RNF168: variants seen among roughly 807,000 people sequenced by gnomAD.
The protein encoded by RNF168 is ring finger protein 168.
A neutral mutation model predicts 34.9 loss-of-function variants in RNF168; 34 were observed. The observed-to-expected ratio is 0.97, with a 90% CI of 0.74 to 1.30. The LOEUF is 1.30. Ranked by LOEUF, RNF168 falls within the 50% of genes most tolerant of loss-of-function variation. The pLI is 0.00. For missense variants in RNF168, 725 were observed against 682.5 expected (o/e 1.06, Z -0.69); for synonymous variants, 264 against 254.7 (o/e 1.04, Z -0.35).
At chr3:196,492,346 T>G (rs76054169) in intron 1 of RNF168, among the ~76,000 whole-genome samples, 13 of 151,560 alleles carry the variant, frequency 8.6e-5, no homozygotes, top group Non-Finnish European at 1.6e-4. Flanking sequence ...TCAAAAAAAT[T>G]TTTTTTAAGT....
At chr3:196,495,892 A>C (rs1732730527) in intron 1 of RNF168, among the ~76,000 whole-genome samples, 1 of 152,202 alleles carries the variant, frequency 6.6e-6, no homozygotes, top group Non-Finnish European at 1.5e-5. Context: ...TTCTTTTTTG[A>C]GAAATCCAAA....
chr3:196,484,473 CTTTTTT>C (rs377178675), intron 3 of RNF168, among the ~76,000 whole-genome samples: 48,350 of 96,708 alleles, frequency 0.5, 13,145 homozygotes, highest in Non-Finnish European at 0.58. Flanking sequence ...CGCGCCCGGC[CTTTTTT>C]TTTTTTTTTT....
chr3:196,502,055 A>AAG (rs1732905275), intron 1 of RNF168, among the ~76,000 whole-genome samples: 1 of 38,294 alleles, frequency 2.6e-5, no homozygotes, highest in Non-Finnish European at 4.6e-5. Flanking sequence ...AAAAAATTAG[A>AAG]AAAAAAAAAA....
intron 1 of RNF168, among the ~76,000 whole-genome samples, chr3:196,500,851 A>G (rs2085504738): frequency 6.6e-6 from 1 of 151,540 alleles, no homozygotes; most frequent in Non-Finnish European, 1.5e-5. Flanking sequence ...AGCTGGGACT[A>G]CAGGCGCGTG....
chr3:196,491,073 G>C (rs1300745682), intron 1 of RNF168, among the ~76,000 whole-genome samples: 1 of 152,232 alleles, frequency 6.6e-6, no homozygotes, highest in African/African-American at 2.4e-5. Flanking sequence ...CCAGCACTTT[G>C]GGAGGCTGAG....
intron 1 of RNF168, among the ~76,000 whole-genome samples, chr3:196,500,352 A>G (rs1732848601): frequency 6.6e-6 from 1 of 152,248 alleles, no homozygotes. Flanking sequence ...TGTCACATGC[A>G]GTATGGATGA....
chr3:196,486,550 T>G (rs1732428637), intron 3 of RNF168, among the ~76,000 whole-genome samples: 1 of 151,590 alleles, frequency 6.6e-6, no homozygotes, highest in African/African-American at 2.4e-5. Context: ...CCCAGGCTGG[T>G]CTCAAACTCC....
intron 1 of RNF168, among the ~76,000 whole-genome samples, chr3:196,501,984 A>ACTT (rs1732900794): frequency 4.8e-5 from 7 of 145,944 alleles, no homozygotes; most frequent in Non-Finnish European, 1.0e-4. Flanking sequence ...TTAAAATGGC[A>ACTT]TTTTTTTACA....
At chr3:196,486,861 G>C (rs1377542298) in intron 3 of RNF168, among the ~76,000 whole-genome samples, 1 of 152,186 alleles carries the variant, frequency 6.6e-6, no homozygotes, top group Non-Finnish European at 1.5e-5. Flanking sequence ...TTGAGCCCAG[G>C]AGCTCGACAC....
At chr3:196,501,231 T>C (rs577200621) in intron 1 of RNF168, among the ~76,000 whole-genome samples, 5 of 152,220 alleles carry the variant, frequency 3.3e-5, no homozygotes, top group African/African-American at 4.8e-5. Flanking sequence ...CGTAGATATA[T>C]AGACAAAAGA....
intron 4 of RNF168, among the ~76,000 whole-genome samples, chr3:196,483,396 A>G (rs1732342307): frequency 6.6e-6 from 1 of 152,168 alleles, no homozygotes; most frequent in Non-Finnish European, 1.5e-5. Context: ...TGTCTACCTG[A>G]CTCATGCATT....
rs541804951 is a variant in RNF168 at position 196,503,489 on chromosome 3, G to C, written c.-316C>G. 4 of 394,692 alleles carry C rather than the reference G, an allele frequency of 1.0e-5. No homozygotes were observed. The highest frequency in any genetic ancestry group is 1.9e-5 in the Non-Finnish European group (4 of 209,160). 24.4% of individuals were successfully genotyped at this position (394,692 alleles called of 1,614,324 possible). A position where few individuals can be genotyped will look rare whatever the true frequency, so the allele number is the denominator to read the frequency against. On this transcript the variant is annotated 5_prime_UTR_variant, in exon 1 of 6. Coordinates refer to ENST00000318037, the MANE Select transcript of RNF168 (RefSeq NM_152617.4). The stretch of plus-strand genomic sequence containing the variant: ...CATGAACACCGCGGCTGCGGCTCCC[G>C]GGGCAGCGAGGGGAACGCGCCAAGT...
chr3:196,486,354 CT>C (rs1005461715), intron 3 of RNF168, among the ~76,000 whole-genome samples: 72 of 148,428 alleles, frequency 4.9e-4, no homozygotes, highest in African/African-American at 1.4e-3. Flanking sequence ...AGAAAAAAAG[CT>C]TTTTTTTTTG....
chr3:196,472,082 T>C lies in RNF168; in HGVS notation c.1453A>G (p.Lys485Glu), dbSNP rs941925479. 34 of 1,613,380 alleles carry C rather than the reference T, an allele frequency of 2.1e-5. No individual in the cohort carries two copies. The highest frequency in any genetic ancestry group is 2.9e-5 in the Non-Finnish European group (34 of 1,179,578). Residue 485 changes from lysine (K) to glutamate (E), a missense_variant, in exon 6 of 6, where the codon AAA becomes GAA. Physicochemically the swap from Lys to Glu is moderately conservative, Grantham distance 56. Transcript: ENST00000318037. ...TTCTTCCTCTGTCCATTTAGCACTT[T>C]GTCTGGAGGGGAGGATGTAGCGCGT... ...HLRATSSPPD[K>E]VLNGQRKNPK...
In RNF168 at chr3:196,503,491, G is replaced by A. The variant is rs925422324; in HGVS notation, c.-318C>T. 4 of 398,232 alleles carry A rather than the reference G, an allele frequency of 1.0e-5. No homozygotes were observed. The highest frequency in any genetic ancestry group is 4.1e-5 in the African/African-American group (2 of 48,450). 24.7% of individuals were successfully genotyped at this position (398,232 alleles called of 1,614,324 possible). On this transcript the variant is annotated 5_prime_UTR_variant, in exon 1 of 6. Coordinates refer to ENST00000318037, the MANE Select transcript of RNF168 (RefSeq NM_152617.4). ...TGAACACCGCGGCTGCGGCTCCCGGGGCAGCGAGGGGAACGCGCCAAGTCC... is the reference window on the plus strand; with the variant it reads ...TGAACACCGCGGCTGCGGCTCCCGGAGCAGCGAGGGGAACGCGCCAAGTCC...
chr3:196,483,979 T>C (rs188728336), intron 3 of RNF168, 88 bp from the exon 4 acceptor site: 3 of 1,014,386 alleles, frequency 3.0e-6, no homozygotes, highest in African/African-American at 1.6e-5. Flanking sequence ...CAGAAATCCA[T>C]AGCATTTTTC....
At chr3:196,473,576 T>C (rs777129825) in intron 5 of RNF168, among the ~76,000 whole-genome samples, 16 of 152,170 alleles carry the variant, frequency 1.1e-4, no homozygotes, top group Non-Finnish European at 2.2e-4. Context: ...GTAACATGGC[T>C]GGGCACGGTG....
intron 1 of RNF168, among the ~76,000 whole-genome samples, chr3:196,499,519 A>G (rs767416662): frequency 2.6e-5 from 4 of 152,130 alleles, no homozygotes; most frequent in Non-Finnish European, 4.4e-5. Flanking sequence ...AAACTCATCT[A>G]TGGTGGATAA....
rs543069740 is a variant in RNF168, at chr3:196,499,122, T to C, written c.301+3751A>G. On this transcript the variant is annotated intron_variant, in intron 1 of 5. Coordinates refer to ENST00000318037, the MANE Select transcript of RNF168 (RefSeq NM_152617.4). ...ACAGGTTGTTACAGATATAATGGAG[T>C]TCATACAAAGAGTACAGAGCCTTTA... 9.2e-5 allele frequency among the ~76,000 whole-genome samples: 14 copies of C among 151,386 alleles called. 1 individual carries two copies. The South Asian group carries it at 2.9e-3, about 32-fold the overall frequency.
Sources: gnomAD v4.1 joint callset for allele counts (sites outside exome capture counted in the v4.1 genomes callset) on GRCh38, gnomAD v4.1.1 for gene constraint, MANE v1.5 for transcripts, NCBI Gene and HGNC (gene_info 2026-07-23, HGNC 2026-07-21) for gene names.